Variants in JAG2 observed in about 807,000 individuals in gnomAD.
JAG2 encodes protein jagged-2.
A neutral mutation model predicts 141.7 loss-of-function variants in JAG2; 46 were observed. The observed-to-expected ratio is 0.32, with a 90% CI of 0.26 to 0.42. JAG2 has a LOEUF of 0.42. Ranked by LOEUF, JAG2 falls within the 10% of genes least tolerant of loss-of-function variation. The pLI is 1.00. For missense variants in JAG2, 1,500 were observed against 1,817.5 expected, an observed-to-expected ratio of 0.83 and a Z score of 3.18; for synonymous variants, 862 against 763.5, an observed-to-expected ratio of 1.13 and a Z score of -2.13.
intron 2 of JAG2, among the ~76,000 whole-genome samples, chr14:105,162,387 T>C (rs587626573): frequency 7.8e-6 from 1 of 127,842 alleles, no homozygotes; most frequent in South Asian, 2.4e-4. Context: ...CCCCTCCTCC[T>C]GTCCCCAGGC....
At chr14:105,150,194 G>A (rs587731748) in intron 12 of JAG2, among the ~76,000 whole-genome samples, 2 of 151,724 alleles carry the variant, frequency 1.3e-5, no homozygotes, top group African/African-American at 4.8e-5. Flanking sequence ...TCAGCCCTGA[G>A]AGAGATGCCC....
In JAG2 at chr14:105,151,393, A is replaced by G. The variant is rs759627304; in HGVS notation, c.1157T>C (p.Ile386Thr). Residue 386 changes from isoleucine (I) to threonine (T), a missense_variant, in exon 9 of 26, where the codon ATC (isoleucine) becomes ACC (threonine). By Grantham distance (89) the Ile-to-Thr change is moderately conservative. This residue lies in a region of JAG2 where 875 missense variants were observed against 1,202.2 expected (regional missense o/e 0.73). Transcript: ENST00000331782. ...ACACGGGTTCGAAGCACACTCATCG[A>G]TGTCTGCAGAGGGTGGAGAAAGGTG... ...GWSGPTCALDIDECASNPCAA... is the reference protein window; with the variant it reads ...GWSGPTCALDTDECASNPCAA... 3.7e-6 allele frequency: 6 copies of G among 1,610,056 alleles called. No individual in the cohort carries two copies. The Admixed American group carries it at 1.0e-4, about 27-fold the overall frequency.
intron 2 of JAG2, among the ~76,000 whole-genome samples, chr14:105,160,520 G>C (rs1051933496): frequency 6.6e-6 from 1 of 151,772 alleles, no homozygotes; most frequent in African/African-American, 2.4e-5. Context: ...GCAACCTATA[G>C]CCAGCGGGGC....
At chr14:105,157,012 C>G (rs1400741951) in intron 3 of JAG2, among the ~76,000 whole-genome samples, 1 of 152,142 alleles carries the variant, frequency 6.6e-6, no homozygotes, top group African/African-American at 2.4e-5. Context: ...TGGCCAACCC[C>G]ATGCCTCCAC....
chr14:105,147,953 C>T (rs1888280326), intron 17 of JAG2, 65 bp from the exon 18 acceptor site: 10 of 1,333,078 alleles, frequency 7.5e-6, no homozygotes, highest in South Asian at 2.5e-5. Flanking sequence ...GTCTCCATAC[C>T]GCGCCCCCAA....
In JAG2 at chr14:105,148,326, G is replaced by C. The variant is rs764146079; in HGVS notation, c.2134C>G (p.Arg712Gly). 6.2e-7 allele frequency: 1 copy of C among 1,609,668 alleles called. No individual in the cohort carries two copies. The highest frequency in any genetic ancestry group is 8.5e-7 in the Non-Finnish European group (1 of 1,178,068). ...DGWKGKTCHS[R>G]EFQCDAYTCS... The stretch of plus-strand genomic sequence containing the variant: ...GCGGCCAGGGCCTGCGGACACTCAC[G>C]TGAGTGGCAGGTCTTGCCCTTCCAG... The change falls in exon 16 of 26, where the codon CGC (arginine) becomes GGC (glycine). Residue 712 changes from arginine (R) to glycine (G), a missense_variant and splice_region_variant. By Grantham distance (125) the Arg-to-Gly change is moderately radical. This residue lies in a region of JAG2 where 875 missense variants were observed against 1,202.2 expected (regional missense o/e 0.73). Transcript: ENST00000331782.
intron 2 of JAG2, 32 bp from the exon 3 acceptor site, chr14:105,157,795 G>A (rs752980501): frequency 6.5e-6 from 10 of 1,548,154 alleles, no homozygotes; most frequent in Admixed American, 3.8e-5. Flanking sequence ...TCAGGTACCT[G>A]AGGCCACACC....
At chr14:105,146,973 C>T in intron 20 of JAG2, 1 of 624,620 alleles carries the variant, frequency 1.6e-6, no homozygotes, top group East Asian at 2.7e-5. Flanking sequence ...TTAGCCCCAG[C>T]TGCTGCGTCG....
At chr14:105,145,356 C>A (rs587747645) in intron 23 of JAG2, among the ~76,000 whole-genome samples, 1 of 152,316 alleles carries the variant, frequency 6.6e-6, no homozygotes, top group African/African-American at 2.4e-5. Flanking sequence ...TTCTGAGCCC[C>A]TCCTGGGAGA....
Position 105,152,141 on chromosome 14 carries a change from C to T in JAG2, c.919+20G>A, listed in dbSNP as rs781196696. The stretch of plus-strand genomic sequence containing the variant: ...ACACTTCGATGGCAGAGCATTAGGC[C>T]TGCCGCCCCCTACCACTACCTTTGT... On this transcript the variant is annotated intron_variant, in intron 6 of 25. Coordinates refer to ENST00000331782, the MANE Select transcript of JAG2 (RefSeq NM_002226.5). 1.2e-6 allele frequency: 2 copies of T among 1,613,630 alleles called. No homozygotes were observed. The highest frequency in any genetic ancestry group is 2.2e-5 in the East Asian group (1 of 44,894).
At chr14:105,152,772 C>T (rs889616043) in intron 5 of JAG2, among the ~76,000 whole-genome samples, 8 of 152,142 alleles carry the variant, frequency 5.3e-5, no homozygotes, top group Non-Finnish European at 1.2e-4. Flanking sequence ...TCATTTCGCT[C>T]GCTCCCAGTA....
rs1225218960 is a variant in JAG2, at chr14:105,152,204, C to T, written c.876G>A (p.Gln292=). ...CVHGSCVEPW[Q]CNCETNWGGL... is the part of the protein sequence containing the mutation. The stretch of plus-strand genomic sequence containing the variant: ...CGCCCCAGTTGGTCTCACAGTTGCA[C>T]TGCCAGGGCTCCACACAACTGCCAT... Residue 292 remains glutamine, a synonymous_variant, in exon 6 of 26, where the codon CAG becomes CAA. Transcript: ENST00000331782. 1.2e-6 allele frequency: 2 copies of T among 1,613,726 alleles called. No individual in the cohort carries two copies. The highest frequency in any genetic ancestry group is 1.7e-5 in the Admixed American group (1 of 60,028).
chr14:105,167,603 C>T lies in JAG2; in HGVS notation c.417+154G>A, dbSNP rs1888958351. 1.3e-5 allele frequency among the ~76,000 whole-genome samples: 2 copies of T among 148,586 alleles called. No individual in the cohort carries two copies. The highest frequency in any genetic ancestry group is 4.1e-4 in the South Asian group (2 of 4,828). On this transcript the variant is annotated intron_variant, in intron 2 of 25. Coordinates refer to ENST00000331782, the MANE Select transcript of JAG2 (RefSeq NM_002226.5). The surrounding 1 kb of genome is among the most constrained non-coding windows in gnomAD (Gnocchi z 4.8). Reference sequence around the variant, plus strand: ...CACGTGGCCAGGCGCGGACCAAGTCCCCAGAGCACGCGCCCCCTGCCGGCC... The same window carrying T: ...CACGTGGCCAGGCGCGGACCAAGTCTCCAGAGCACGCGCCCCCTGCCGGCC...
intron 2 of JAG2, among the ~76,000 whole-genome samples, chr14:105,162,408 G>C (rs1029684913): frequency 1.1e-5 from 1 of 89,434 alleles, no homozygotes; most frequent in Non-Finnish European, 2.5e-5. Flanking sequence ...AGGGGCAACA[G>C]CAGTGGCACA....
intron 20 of JAG2, 119 bp from the exon 21 acceptor site, chr14:105,146,843 G>A: frequency 1.2e-6 from 1 of 836,592 alleles, no homozygotes; most frequent in Non-Finnish European, 2.0e-6. Context: ...ACAATGAGGA[G>A]CAGCCCCTGC....
In JAG2 at chr14:105,167,684, G is replaced by C; in HGVS notation, c.417+73C>G. 3 of 1,316,080 alleles carry C rather than the reference G, an allele frequency of 2.3e-6. No homozygotes were observed. Among genetic ancestry groups the C allele is most frequent in the Non-Finnish European group, 2.9e-6 (3 of 1,034,572 alleles). 81.5% of individuals were successfully genotyped at this position (1,316,080 alleles called of 1,614,324 possible). A position where few individuals can be genotyped will look rare whatever the true frequency, so the allele number is the denominator to read the frequency against. On this transcript the variant is annotated intron_variant, in intron 2 of 25. Coordinates refer to ENST00000331782, the MANE Select transcript of JAG2 (RefSeq NM_002226.5). The surrounding 1 kb of genome is among the most constrained non-coding windows in gnomAD (Gnocchi z 4.8). ...GCAGACCCGGCCGCAGGTGTTGGGG[G>C]TCGCGAAGCGCGCGGGGCCGGGGCG...
At position 105,146,693 on chromosome 14, in the gene JAG2, G is replaced by A. The variant is rs1475540684; in HGVS notation, c.2511C>T (p.Ala837=). ...TCTCATCCACACACGTGGCCCCGTA[G>A]GCACAGGGCGAGGACTGGCACTCGT... ...NIDECQSSPC[A]YGATCVDEIN... The change falls in exon 21 of 26, where the codon GCC becomes GCT. Residue 837 remains alanine (A), a synonymous_variant. Transcript: ENST00000331782. 7.4e-6 allele frequency: 12 copies of A among 1,612,526 alleles called. No homozygotes were observed. The highest frequency in any genetic ancestry group is 4.0e-5 in the African/African-American group (3 of 74,948).
chr14:105,148,519 C>T, intron 15 of JAG2, 80 bp from the exon 16 acceptor site: 1 of 864,934 alleles, frequency 1.2e-6, no homozygotes, highest in Non-Finnish European at 1.8e-6. Context: ...AGCACTGGAG[C>T]TGGGCCAGGT....
intron 8 of JAG2, 73 bp from the exon 9 acceptor site, chr14:105,151,469 G>C: frequency 6.9e-7 from 1 of 1,452,942 alleles, no homozygotes; most frequent in South Asian, 1.2e-5. Flanking sequence ...GGCAGGTGGC[G>C]CTGCAAGCCT....
Sources: allele counts gnomAD v4.1 joint callset (sites outside exome capture counted in the v4.1 genomes callset), GRCh38; gene constraint gnomAD v4.1.1; regional missense constraint gnomAD v4.1.1; non-coding constraint Gnocchi (gnomAD v3.1); transcripts MANE v1.5; gene names NCBI Gene and HGNC (gene_info 2026-07-23, HGNC 2026-07-21).